The following PDCD6IP variants were observed in gnomAD, a reference collection of about 807,000 sequenced individuals.
PDCD6IP encodes the protein programmed cell death 6-interacting protein.
In PDCD6IP, 43 loss-of-function variants were observed where a neutral mutation model predicts 103.7. That is an observed-to-expected ratio of 0.41 (90% confidence interval 0.32 to 0.53). PDCD6IP has a LOEUF of 0.53. Among genes scored for constraint, PDCD6IP ranks in the 20% least tolerant of loss-of-function variants. The pLI is 0.16. For synonymous variants in PDCD6IP, 354 were observed against 378.7 expected, an observed-to-expected ratio of 0.93 and a Z score of 0.76; for missense variants, 871 against 1,036.7, an observed-to-expected ratio of 0.84 and a Z score of 2.20.
intron 15 of PDCD6IP, among the ~76,000 whole-genome samples, chr3:33,862,816 T>G (rs1559799913): frequency 6.6e-6 from 1 of 152,192 alleles, no homozygotes. Flanking sequence ...AACTTTTAGA[T>G]AGATGATGTT....
chr3:33,866,707 G>T lies in PDCD6IP; in HGVS notation c.*182G>T. On this transcript the variant is annotated 3_prime_UTR_variant, in exon 18 of 18. Transcript: ENST00000307296. Reference sequence around the variant, plus strand: ...GTTCCACATTTGATTACACATGTGAGATTTGCTGCTGTTGCAGTATAAACA... The same window carrying T: ...GTTCCACATTTGATTACACATGTGATATTTGCTGCTGTTGCAGTATAAACA... 2.3e-6 allele frequency: 1 copy of T among 431,170 alleles called. No individual in the cohort carries two copies. The highest frequency in any genetic ancestry group is 4.0e-6 in the Non-Finnish European group (1 of 247,272). The allele number at this position is 431,170 out of a possible 1,614,324, so 26.7% of individuals were successfully genotyped here. A position where few individuals can be genotyped will look rare whatever the true frequency, so the allele number is the denominator to read the frequency against.
intron 3 of PDCD6IP, among the ~76,000 whole-genome samples, chr3:33,816,343 A>G (rs1316257417): frequency 1.3e-5 from 2 of 151,954 alleles, no homozygotes; most frequent in East Asian, 1.9e-4. Context: ...TGTCTCTACT[A>G]AAAATACAAA....
rs1257012236 is a variant in PDCD6IP at position 33,867,362 on chromosome 3, G to T, written c.*837G>T. 1 of 152,146 alleles carries T rather than the reference G, an allele frequency of 6.6e-6. No individual in the cohort carries two copies. Among genetic ancestry groups the T allele is most frequent in the East Asian group, 1.9e-4 (1 of 5,180 alleles). 9.4% of individuals were successfully genotyped at this position (152,146 alleles called of 1,614,324 possible). A position where few individuals can be genotyped will look rare whatever the true frequency, so the allele number is the denominator to read the frequency against. ...GATGCAAATTCTGGTAATAATTCTT[G>T]CATTTTTTCCCCATAACCTGGTTAA... On this transcript the variant is annotated 3_prime_UTR_variant, in exon 18 of 18. Transcript: ENST00000307296.
intron 14 of PDCD6IP, 35 bp from the exon 15 acceptor site, chr3:33,855,131 C>A (rs2125447106): frequency 1.5e-6 from 2 of 1,347,968 alleles, no homozygotes; most frequent in Non-Finnish European, 2.1e-6. Flanking sequence ...AAAAATTGTT[C>A]TTGTTCCTTA....
Position 33,836,285 on chromosome 3 carries a change from C to T in PDCD6IP, c.1057+19C>T, listed in dbSNP as rs1017924618. The T allele has an allele frequency of 7.2e-7, 1 of 1,379,730 alleles. No homozygotes were observed. The highest frequency in any genetic ancestry group is 1.0e-6 in the Non-Finnish European group (1 of 969,040). The allele number at this position is 1,379,730 out of a possible 1,614,324, so 85.5% of individuals were successfully genotyped here. On this transcript the variant is annotated intron_variant, in intron 8 of 17. Transcript: ENST00000307296. ...TTTACTGGTATGTCAGTTATTCAGA[C>T]ACACTTTAATCTCATTTTTCTCTAG... is the stretch of plus-strand genomic sequence containing the variant.
In PDCD6IP at chr3:33,852,689, G is replaced by A. The variant is rs930075598; in HGVS notation, c.1843G>A (p.Val615Ile). 20 of 1,581,658 alleles carry A rather than the reference G, an allele frequency of 1.3e-5. No homozygotes were observed. The highest frequency in any genetic ancestry group is 1.7e-5 in the Non-Finnish European group (20 of 1,171,782). The change falls in exon 13 of 18, where the codon GTC becomes ATC. Residue 615 changes from valine (V) to isoleucine (I), a missense_variant. By Grantham distance (29) the Val-to-Ile change is conservative. This residue lies in a region of PDCD6IP where 266 missense variants were observed against 390.5 expected (regional missense o/e 0.68). Coordinates refer to ENST00000307296, the MANE Select transcript of PDCD6IP (RefSeq NM_013374.6). ...AGTCTATGGAGGTCTTACAACTAAA[G>A]TCCAAGAATCTCTAAAGAAACAGGA... ...DRVYGGLTTK[V>I]QESLKKQEGL... is the part of the protein sequence containing the mutation.
intron 3 of PDCD6IP, among the ~76,000 whole-genome samples, chr3:33,821,403 A>G (rs1194103615): frequency 2.6e-5 from 4 of 151,906 alleles, no homozygotes; most frequent in Non-Finnish European, 5.9e-5. Flanking sequence ...AATAGGAGCT[A>G]TCCTAAGTGG....
intron 1 of PDCD6IP, among the ~76,000 whole-genome samples, chr3:33,803,823 T>C (rs567479209): frequency 1.3e-5 from 2 of 152,338 alleles, no homozygotes; most frequent in East Asian, 3.9e-4. Context: ...GTTCCTTTTT[T>C]CTATCTTTTT....
rs533643961 is a variant in PDCD6IP at position 33,844,962 on chromosome 3, A to G, written c.1472-457A>G. On this transcript the variant is annotated intron_variant, in intron 11 of 17. Transcript: ENST00000307296. ...TTTTGTGCTTGCTGAGATAAATGCT[A>G]TCTTCATGGTGGCTGGAGATTAGTT... is the stretch of plus-strand genomic sequence containing the variant. Among the ~76,000 whole-genome samples the G allele has an allele frequency of 1.8e-4, 28 of 152,102 alleles. No individual in the cohort carries two copies. The South Asian group carries it at 5.2e-3, about 28-fold the overall frequency.
At chr3:33,833,357 C>T (rs977161138) in intron 7 of PDCD6IP, among the ~76,000 whole-genome samples, 3 of 151,800 alleles carry the variant, frequency 2.0e-5, no homozygotes, top group East Asian at 3.9e-4. Flanking sequence ...GATTGATATG[C>T]CCTCTAAATC....
chr3:33,857,093 GAGC>G (rs2125448518), intron 15 of PDCD6IP, among the ~76,000 whole-genome samples: 2 of 152,178 alleles, frequency 1.3e-5, no homozygotes, highest in South Asian at 4.1e-4. Context: ...CTCTAACAAA[GAGC>G]AGGTTAGTTG....
At chr3:33,812,224 T>C in intron 2 of PDCD6IP, 98 bp downstream of exon 2, 1 of 1,449,332 alleles carries the variant, frequency 6.9e-7, no homozygotes, top group South Asian at 1.5e-5. Flanking sequence ...GATAGTGTTA[T>C]AAAAATAGGA....
chr3:33,808,372 C>T (rs1696642920), intron 1 of PDCD6IP, among the ~76,000 whole-genome samples: 1 of 152,188 alleles, frequency 6.6e-6, no homozygotes, highest in Non-Finnish European at 1.5e-5. Flanking sequence ...CTCCTGGGCT[C>T]AAGTGATCCT....
chr3:33,826,747 T>C, intron 6 of PDCD6IP, 167 bp downstream of exon 6: 1 of 1,365,172 alleles, frequency 7.3e-7, no homozygotes. Context: ...TTAAGATGCA[T>C]GAACAATTCT....
At chr3:33,828,798 G>T in intron 6 of PDCD6IP, 55 bp from the exon 7 acceptor site, 1 of 1,600,980 alleles carries the variant, frequency 6.2e-7, no homozygotes, top group Non-Finnish European at 8.5e-7. Context: ...ATCCCATGTT[G>T]TCTGTGGTGG....
At chr3:33,862,247 T>G (rs1019418275) in intron 15 of PDCD6IP, among the ~76,000 whole-genome samples, 3 of 152,046 alleles carry the variant, frequency 2.0e-5, no homozygotes, top group Non-Finnish European at 2.9e-5. Flanking sequence ...GTTTTGTTTT[T>G]TTTTTTTGAT....
intron 1 of PDCD6IP, among the ~76,000 whole-genome samples, chr3:33,810,681 C>T (rs747757303): frequency 1.3e-4 from 20 of 152,138 alleles, no homozygotes; most frequent in Non-Finnish European, 1.8e-4. Flanking sequence ...GTGACATGCA[C>T]CTGTAGTCCT....
intron 8 of PDCD6IP, 91 bp downstream of exon 8, chr3:33,836,357 G>T: frequency 1.4e-6 from 1 of 694,006 alleles, no homozygotes; most frequent in South Asian, 1.8e-5. Flanking sequence ...GCTGTTGTAT[G>T]CTTTGAATAT....
In PDCD6IP at chr3:33,807,464, A is replaced by C. The variant is rs185567610; in HGVS notation, c.210-4608A>C. The stretch of plus-strand genomic sequence containing the variant: ...CTTACTGTGGTGCTGCCTACACCAG[A>C]GTAAATATTCTGCTTGGCGTTGGCT... On this transcript the variant is annotated intron_variant, in intron 1 of 17. Transcript: ENST00000307296. 1.0e-3 allele frequency among the ~76,000 whole-genome samples: 157 copies of C among 152,304 alleles called. 1 individual carries two copies. Among genetic ancestry groups the C allele is most frequent in the African/African-American group, 3.3e-3 (139 of 41,550 alleles).
Sources: allele counts gnomAD v4.1 joint callset (sites outside exome capture counted in the v4.1 genomes callset), GRCh38; gene constraint gnomAD v4.1.1; regional missense constraint gnomAD v4.1.1; transcripts MANE v1.5; gene names NCBI Gene and HGNC (gene_info 2026-07-23, HGNC 2026-07-21).